FBXL7: variants seen among roughly 807,000 people sequenced by gnomAD.
FBXL7 encodes the protein F-box/LRR-repeat protein 7.
Under a neutral mutation model 38.3 loss-of-function variants are expected in FBXL7, and 12 were observed. The observed-to-expected ratio is 0.31, with a 90% CI of 0.20 to 0.51. FBXL7 has a LOEUF of 0.51. Ranked by LOEUF, FBXL7 falls within the 20% of genes least tolerant of loss-of-function variation. FBXL7 has a pLI of 0.98. For missense variants in FBXL7, 567 were observed against 676.4 expected (o/e 0.84, Z 1.79); for synonymous variants, 297 against 300.9 (o/e 0.99, Z 0.13).
chr5:15,693,663 C>G (rs745565965), intron 2 of FBXL7, among the ~76,000 whole-genome samples: 1 of 152,158 alleles, frequency 6.6e-6, no homozygotes, highest in African/African-American at 2.4e-5. Context: ...AGCGGACACA[C>G]GCATAAGCAG....
chr5:15,678,687 T>C (rs933896427), intron 2 of FBXL7, among the ~76,000 whole-genome samples: 2 of 152,184 alleles, frequency 1.3e-5, no homozygotes, highest in Non-Finnish European at 2.9e-5. Context: ...GTTCTCATGG[T>C]AGTGAATAAG....
rs528741483 is a variant in FBXL7, at chr5:15,674,377, CCTGA to C, written c.127+58308_127+58311del. Among the ~76,000 whole-genome samples the C allele has an allele frequency of 1.8e-3, 278 of 152,202 alleles. 1 individual carries two copies. Among genetic ancestry groups the C allele is most frequent in the African/African-American group, 6.3e-3 (263 of 41,518 alleles). ...ATGAAAGGTTTTACAAAGGGCCAGA[CCTGA>C]CTATTACTGATTGCTCAAAAGGTTT... On this transcript the variant is annotated intron_variant, in intron 2 of 3. Coordinates refer to ENST00000504595, the MANE Select transcript of FBXL7 (RefSeq NM_012304.5).
At chr5:15,560,494 G>A (rs1203279750) in intron 1 of FBXL7, among the ~76,000 whole-genome samples, 1 of 152,178 alleles carries the variant, frequency 6.6e-6, no homozygotes, top group Non-Finnish European at 1.5e-5. Context: ...GCTCATGCAT[G>A]TGTCTCTGTC....
At chr5:15,710,908 A>G (rs367700194) in intron 2 of FBXL7, among the ~76,000 whole-genome samples, 14 of 152,212 alleles carry the variant, frequency 9.2e-5, no homozygotes, top group African/African-American at 3.1e-4. Flanking sequence ...TCTCATCTTC[A>G]ATTGTAATTC....
At chr5:15,747,579 A>G (rs1278001990) in intron 2 of FBXL7, among the ~76,000 whole-genome samples, 1 of 152,184 alleles carries the variant, frequency 6.6e-6, no homozygotes, top group Non-Finnish European at 1.5e-5. Flanking sequence ...TTCAGCCAAC[A>G]CCTATCCAAA....
At chr5:15,513,987 TG>T (rs1736868459) in intron 1 of FBXL7, among the ~76,000 whole-genome samples, 1 of 152,190 alleles carries the variant, frequency 6.6e-6, no homozygotes, top group South Asian at 2.1e-4. Flanking sequence ...AGTATTTCCT[TG>T]GGGAGTCTTT....
chr5:15,933,631 TG>T (rs1334113426), intron 3 of FBXL7, among the ~76,000 whole-genome samples: 1 of 152,238 alleles, frequency 6.6e-6, no homozygotes, highest in Non-Finnish European at 1.5e-5. Flanking sequence ...AAGCTGTTTT[TG>T]TTCTCCATTT....
chr5:15,799,350 C>A (rs1191084570), intron 2 of FBXL7, among the ~76,000 whole-genome samples: 2 of 136,202 alleles, frequency 1.5e-5, no homozygotes, highest in East Asian at 4.4e-4. Context: ...TGCCCTAAAC[C>A]CCTCCCTTTT....
At chr5:15,903,264 T>C (rs1371038796) in intron 2 of FBXL7, among the ~76,000 whole-genome samples, 1 of 152,212 alleles carries the variant, frequency 6.6e-6, no homozygotes, top group Non-Finnish European at 1.5e-5. Context: ...CCTGCCTACC[T>C]GGAGTTCACT....
intron 2 of FBXL7, among the ~76,000 whole-genome samples, chr5:15,903,054 GAA>G (rs1178344497): frequency 6.6e-6 from 1 of 152,174 alleles, no homozygotes; most frequent in East Asian, 1.9e-4. Context: ...GCCACTTGCA[GAA>G]AAAAATCCAC....
chr5:15,892,802 T>C (rs1013986971), intron 2 of FBXL7, among the ~76,000 whole-genome samples: 1 of 152,162 alleles, frequency 6.6e-6, no homozygotes, highest in East Asian at 1.9e-4. Context: ...GGAAACTATT[T>C]TCCTCATTTT....
At chr5:15,826,891 C>G (rs949690094) in intron 2 of FBXL7, among the ~76,000 whole-genome samples, 4 of 151,100 alleles carry the variant, frequency 2.6e-5, no homozygotes, top group Non-Finnish European at 5.9e-5. Context: ...TGCACAGAAC[C>G]AGACATTCTC....
intron 3 of FBXL7, among the ~76,000 whole-genome samples, chr5:15,933,594 A>G (rs531183136): frequency 9.2e-5 from 14 of 152,348 alleles, no homozygotes; most frequent in African/African-American, 3.1e-4. Flanking sequence ...CACAAAGCCC[A>G]CTGGAACAGT....
intron 1 of FBXL7, among the ~76,000 whole-genome samples, chr5:15,585,705 AG>A (rs1739278766): frequency 6.6e-6 from 1 of 152,226 alleles, no homozygotes; most frequent in African/African-American, 2.4e-5. Context: ...TCAAGTTGCT[AG>A]CTGTGCCTAA....
chr5:15,676,206 C>T (rs1054318188), intron 2 of FBXL7, among the ~76,000 whole-genome samples: 2 of 152,168 alleles, frequency 1.3e-5, no homozygotes, highest in Non-Finnish European at 2.9e-5. Flanking sequence ...CTGTAATTAT[C>T]CGGGGGGCCC....
chr5:15,710,748 A>G (rs2126642144), intron 2 of FBXL7, among the ~76,000 whole-genome samples: 1 of 152,300 alleles, frequency 6.6e-6, no homozygotes, highest in South Asian at 2.1e-4. Flanking sequence ...GGGCTGCCAT[A>G]ACAAAGTACC....
chr5:15,875,492 G>T (rs1474799653), intron 2 of FBXL7, among the ~76,000 whole-genome samples: 2 of 152,056 alleles, frequency 1.3e-5, no homozygotes, highest in Non-Finnish European at 2.9e-5. Flanking sequence ...GAAAATTTTT[G>T]CAATCCATCC....
chr5:15,695,678 G>A (rs1175309721), intron 2 of FBXL7, among the ~76,000 whole-genome samples: 2 of 152,146 alleles, frequency 1.3e-5, no homozygotes, highest in African/African-American at 2.4e-5. Flanking sequence ...GATTATCTCT[G>A]TATCTTCCAA....
At chr5:15,784,883 C>G (rs960761558) in intron 2 of FBXL7, among the ~76,000 whole-genome samples, 7 of 152,190 alleles carry the variant, frequency 4.6e-5, no homozygotes, top group African/African-American at 1.4e-4. Context: ...AGCACACACA[C>G]GCACAAACAC....
Sources: allele counts gnomAD v4.1 joint callset (sites outside exome capture counted in the v4.1 genomes callset), GRCh38; gene constraint gnomAD v4.1.1; transcripts MANE v1.5; gene names NCBI Gene and HGNC (gene_info 2026-07-23, HGNC 2026-07-21).